The following RYR2 variants were observed in gnomAD, a reference collection of about 807,000 sequenced individuals.
The protein encoded by RYR2 is cardiac muscle ryanodine receptor-calcium release channel.
Under a neutral mutation model 601.1 loss-of-function variants are expected in RYR2, and 227 were observed. The observed-to-expected ratio is 0.38, with a 90% CI of 0.34 to 0.42. RYR2 has a LOEUF of 0.42. RYR2 is among the 10% of genes least tolerant of loss of function. The pLI, the probability that RYR2 is intolerant of heterozygous loss-of-function variation, is 1.00. For synonymous variants in RYR2, 2,223 were observed against 2,175.1 expected (o/e 1.02, Z -0.61); for missense variants, 4,646 against 6,156.5 (o/e 0.75, Z 8.21).
intron 12 of RYR2, among the ~76,000 whole-genome samples, chr1:237,434,790 T>C (rs1240397027): frequency 6.6e-6 from 1 of 152,316 alleles, no homozygotes; most frequent in East Asian, 1.9e-4. Context: ...AACTTTTTTT[T>C]TGAGACAGAG....
intron 29 of RYR2, among the ~76,000 whole-genome samples, chr1:237,574,550 A>G (rs1673035385): frequency 6.6e-6 from 1 of 152,222 alleles, no homozygotes. Context: ...GGCCTGACCC[A>G]ACCAGATGAG....
intron 68 of RYR2, among the ~76,000 whole-genome samples, chr1:237,707,527 A>T (rs779031554): frequency 2.6e-5 from 4 of 152,190 alleles, no homozygotes; most frequent in Non-Finnish European, 4.4e-5. Context: ...AGCAGTAAAA[A>T]CTAATGATTT....
intron 20 of RYR2, 87 bp downstream of exon 20, chr1:237,496,839 T>C (rs891257211): frequency 7.5e-5 from 109 of 1,450,432 alleles, no homozygotes; most frequent in Non-Finnish European, 8.2e-5. Flanking sequence ...TTCCATTAGG[T>C]ACTTCTATAG....
chr1:237,743,933 C>T (rs1000572343), intron 80 of RYR2, among the ~76,000 whole-genome samples: 1 of 152,190 alleles, frequency 6.6e-6, no homozygotes, highest in African/African-American at 2.4e-5. Context: ...AGGGACTTCT[C>T]ATTTTCGGTG....
At chr1:237,588,982 T>G (rs1674850708) in intron 29 of RYR2, among the ~76,000 whole-genome samples, 1 of 152,108 alleles carries the variant, frequency 6.6e-6, no homozygotes, top group Admixed American at 6.6e-5. Flanking sequence ...ATTAACAAAG[T>G]TAGTATAGTT....
chr1:237,367,435 C>T (rs1375947357), intron 5 of RYR2, among the ~76,000 whole-genome samples: 1 of 152,080 alleles, frequency 6.6e-6, no homozygotes, highest in Non-Finnish European at 1.5e-5. Flanking sequence ...TATTTTAATA[C>T]CTTTTAATAT....
At chr1:237,701,322 G>C (rs993156134) in intron 65 of RYR2, among the ~76,000 whole-genome samples, 1 of 152,180 alleles carries the variant, frequency 6.6e-6, no homozygotes, top group East Asian at 1.9e-4. Context: ...GCTGAAGTCA[G>C]GAGTTCGAGA....
chr1:237,222,341 A>G (rs1683902079), intron 1 of RYR2, among the ~76,000 whole-genome samples: 2 of 151,464 alleles, frequency 1.3e-5, no homozygotes, highest in Admixed American at 1.3e-4. Flanking sequence ...TGAACCTGGG[A>G]GGCGGAGCTT....
intron 2 of RYR2, among the ~76,000 whole-genome samples, chr1:237,287,805 G>A (rs900205175): frequency 1.3e-5 from 2 of 152,084 alleles, no homozygotes; most frequent in African/African-American, 4.8e-5. Flanking sequence ...TGAATTCGTT[G>A]TCAGGTAAAT....
At chr1:237,306,112 T>C (rs10737815) in intron 2 of RYR2, among the ~76,000 whole-genome samples, 62,546 of 151,908 alleles carry the variant, frequency 0.41, 13,305 homozygotes, top group African/African-American at 0.51. Flanking sequence ...AAGGAAATGA[T>C]TGACAAACTG....
chr1:237,443,089 C>A lies in RYR2; in HGVS notation c.1170+1606C>A, dbSNP rs183839180. Among the ~76,000 whole-genome samples the A allele has an allele frequency of 2.6e-5, 4 of 152,224 alleles. No homozygotes were observed. In the East Asian group the frequency reaches 5.8e-4, roughly 22 times the overall value. Reference sequence around the variant, plus strand: ...TCTTTCCTCACAGTGTTCTCCCTGACCTTTTCTCTACACTTCGCTTCTCAA... The same window carrying A: ...TCTTTCCTCACAGTGTTCTCCCTGAACTTTTCTCTACACTTCGCTTCTCAA... On this transcript the variant is annotated intron_variant, in intron 13 of 104. Transcript: ENST00000366574.
At chr1:237,443,804 A>G (rs1199291687) in intron 13 of RYR2, among the ~76,000 whole-genome samples, 5 of 152,146 alleles carry the variant, frequency 3.3e-5, no homozygotes, top group Admixed American at 2.0e-4. Flanking sequence ...GAAACAGGTG[A>G]TGTGCTGTAG....
At chr1:237,054,469 G>T (rs997234295) in intron 1 of RYR2, among the ~76,000 whole-genome samples, 1 of 152,044 alleles carries the variant, frequency 6.6e-6, no homozygotes, top group Non-Finnish European at 1.5e-5. Context: ...CTATCTTACT[G>T]CTCTTAAATT....
At chr1:237,139,952 T>G (rs1046536074) in intron 1 of RYR2, among the ~76,000 whole-genome samples, 1 of 152,214 alleles carries the variant, frequency 6.6e-6, no homozygotes, top group Non-Finnish European at 1.5e-5. Flanking sequence ...CTCAGTGATG[T>G]GTAGGCGATG....
intron 17 of RYR2, among the ~76,000 whole-genome samples, chr1:237,483,027 C>A (rs781045700): frequency 2.6e-5 from 4 of 152,186 alleles, no homozygotes; most frequent in Non-Finnish European, 5.9e-5. Flanking sequence ...CACTTGCCCT[C>A]CTTGTTTCTC....
intron 17 of RYR2, among the ~76,000 whole-genome samples, chr1:237,475,099 A>G (rs1046049954): frequency 6.6e-6 from 1 of 152,204 alleles, no homozygotes; most frequent in African/African-American, 2.4e-5. Context: ...TTTAATTCTA[A>G]CAACTCTATA....
intron 24 of RYR2, among the ~76,000 whole-genome samples, chr1:237,519,927 T>C (rs1158154787): frequency 1.1e-5 from 1 of 89,212 alleles, no homozygotes; most frequent in African/African-American, 3.2e-5. Context: ...GCTGTTTTTG[T>C]GTTTGTTTGC....
intron 1 of RYR2, among the ~76,000 whole-genome samples, chr1:237,213,252 A>G (rs907635835): frequency 6.6e-6 from 1 of 151,980 alleles, no homozygotes; most frequent in African/African-American, 2.4e-5. Flanking sequence ...ATCACAACTC[A>G]CTGTAGCATC....
In RYR2 at chr1:237,142,688, C is replaced by T. The variant is rs2225886; in HGVS notation, c.48+100119C>T. On this transcript the variant is annotated intron_variant, in intron 1 of 104. Coordinates refer to ENST00000366574, the MANE Select transcript of RYR2 (RefSeq NM_001035.3). ...TTTCCCATGTCATAGACTTTGATCTCGTCCGCACTGTGAGCTCCAGGTCAG... is the reference window on the plus strand; with the variant it reads ...TTTCCCATGTCATAGACTTTGATCTTGTCCGCACTGTGAGCTCCAGGTCAG... Among the ~76,000 whole-genome samples, 949 of 152,304 alleles carry T rather than the reference C, an allele frequency of 6.2e-3. 10 individuals are homozygous for T. The highest frequency in any genetic ancestry group is 7.4e-3 in the Non-Finnish European group (502 of 68,024).
Sources: allele counts gnomAD v4.1 joint callset (sites outside exome capture counted in the v4.1 genomes callset), GRCh38; gene constraint gnomAD v4.1.1; transcripts MANE v1.5; gene names NCBI Gene and HGNC (gene_info 2026-07-23, HGNC 2026-07-21).